Variants in NEXMIF observed in about 807,000 individuals in gnomAD.
NEXMIF encodes the protein neurite extension and migration factor.
In NEXMIF, 8 loss-of-function variants were observed where a neutral mutation model predicts 62.1. The observed-to-expected ratio is 0.13, with a 90% CI of 0.08 to 0.23. NEXMIF has a LOEUF of 0.23. NEXMIF is among the 10% of genes least tolerant of loss of function. NEXMIF has a pLI of 1.00. For synonymous variants in NEXMIF, 404 were observed against 416.6 expected, an observed-to-expected ratio of 0.97 and a Z score of 0.37; for missense variants, 976 against 1,113.3, an observed-to-expected ratio of 0.88 and a Z score of 1.75.
intron 1 of NEXMIF, among the ~76,000 whole-genome samples, chrX:74,826,635 C>T (rs1374615816): frequency 9.0e-6 from 1 of 110,710 alleles, no homozygotes; most frequent in African/African-American, 3.3e-5. Context: ...CCCCTTTGTC[C>T]TTTTTTCTTT....
At chrX:74,796,956 A>G (rs1602231767) in intron 1 of NEXMIF, among the ~76,000 whole-genome samples, 1 of 112,057 alleles carries the variant, frequency 8.9e-6, no homozygotes, top group Non-Finnish European at 1.9e-5. Context: ...CACAACCTTA[A>G]CCAAATGACC....
intron 1 of NEXMIF, among the ~76,000 whole-genome samples, chrX:74,820,953 C>T (rs1225034353): frequency 9.0e-6 from 1 of 111,082 alleles, no homozygotes; most frequent in Non-Finnish European, 1.9e-5. Flanking sequence ...TAATTGGCAA[C>T]TGAAACCCCA....
At chrX:74,748,028 G>A (rs2080131086) in intron 1 of NEXMIF, among the ~76,000 whole-genome samples, 1 of 111,955 alleles carries the variant, frequency 8.9e-6, no homozygotes, top group Non-Finnish European at 1.9e-5. Flanking sequence ...GCCTCTAATG[G>A]AAAAATCTGG....
rs1602212460 is a variant in NEXMIF at position 74,743,416 on chromosome X, C to T, written c.1141G>A (p.Asp381Asn). Reference sequence around the variant, plus strand: ...CCTTCCTCTTTGCCTTTCTTCTTGTCCAAGTTTTTATCTTCCTCCCCCCAG... The same window carrying T: ...CCTTCCTCTTTGCCTTTCTTCTTGTTCAAGTTTTTATCTTCCTCCCCCCAG... Reference protein sequence around the residue: ...IIWGEEDKNLDKKKGKEEGQE... With the variant: ...IIWGEEDKNLNKKKGKEEGQE... The change falls in exon 3 of 4, where the codon GAC becomes AAC. Residue 381 changes from aspartate (D) to asparagine (N), a missense_variant. By Grantham distance (23) the Asp-to-Asn change is conservative. Coordinates refer to ENST00000055682, the MANE Select transcript of NEXMIF (RefSeq NM_001008537.3). 3.3e-6 allele frequency: 4 copies of T among 1,211,441 alleles called. No individual in the cohort carries two copies. Among genetic ancestry groups the T allele is most frequent in the Non-Finnish European group, 4.5e-6 (4 of 895,446 alleles).
intron 1 of NEXMIF, among the ~76,000 whole-genome samples, chrX:74,760,539 C>G (rs931017558): frequency 9.0e-6 from 1 of 111,561 alleles, no homozygotes; most frequent in Admixed American, 9.6e-5. Flanking sequence ...ATAGATGGCT[C>G]TTATTATTTT....
intron 1 of NEXMIF, among the ~76,000 whole-genome samples, chrX:74,759,173 A>G (rs765985407): frequency 2.9e-4 from 32 of 112,020 alleles, no homozygotes; most frequent in African/African-American, 1.0e-3. Context: ...GATTTTTTTC[A>G]TATGATTGTC....
At chrX:74,905,305 G>C (rs1242859784) in intron 1 of NEXMIF, among the ~76,000 whole-genome samples, 1 of 110,866 alleles carries the variant, frequency 9.0e-6, no homozygotes, top group African/African-American at 3.3e-5. Flanking sequence ...GGGGAGAGGA[G>C]AGACATACTT....
intron 1 of NEXMIF, among the ~76,000 whole-genome samples, chrX:74,797,124 T>A (rs1387490826): frequency 1.8e-5 from 2 of 111,741 alleles, no homozygotes; most frequent in African/African-American, 6.5e-5. Context: ...TACCACAAAT[T>A]GAAGGACATT....
intron 1 of NEXMIF, among the ~76,000 whole-genome samples, chrX:74,758,335 A>G (rs183396986): frequency 6.6e-4 from 74 of 111,900 alleles, no homozygotes; most frequent in Non-Finnish European, 1.1e-3. Context: ...GTTCTAATAA[A>G]CTTTGATAAG....
intron 1 of NEXMIF, among the ~76,000 whole-genome samples, chrX:74,773,167 A>G (rs1162185470): frequency 8.9e-6 from 1 of 111,827 alleles, no homozygotes; most frequent in Non-Finnish European, 1.9e-5. Flanking sequence ...GGATTCTACA[A>G]GGATCCATCC....
Position 74,743,788 on chromosome X carries a change from C to G in NEXMIF, c.769G>C (p.Asp257His). The change falls in exon 3 of 4, where the codon GAT becomes CAT. Residue 257 changes from aspartate to histidine, a missense_variant. Asp to His is a moderately conservative substitution (Grantham distance 81, BLOSUM62 -1). This residue lies in a region of NEXMIF where 45 missense variants were observed against 86.8 expected (regional missense o/e 0.52). Coordinates refer to ENST00000055682, the MANE Select transcript of NEXMIF (RefSeq NM_001008537.3). ...EEALLANSNQ[D>H]WGYFETFISE... ...ATAAAAGTCTCGAAGTAACCCCAAT[C>G]CTGATTGGAATTTGCAAGCAAAGCT... The G allele has an allele frequency of 1.7e-6, 2 of 1,211,288 alleles. No individual in the cohort carries two copies. Among genetic ancestry groups the G allele is most frequent in the Non-Finnish European group, 2.2e-6 (2 of 895,221 alleles).
intron 1 of NEXMIF, among the ~76,000 whole-genome samples, chrX:74,876,217 C>T (rs761152366): frequency 9.0e-6 from 1 of 111,252 alleles, no homozygotes; most frequent in East Asian, 2.8e-4. Flanking sequence ...TTTCAAAGAA[C>T]ATCTTTATTT....
rs547881261 is a variant in NEXMIF, at chrX:74,864,207, T to C, written c.-48+60676A>G. Reference sequence around the variant, plus strand: ...CCTCTCTCATCACTCCTACTCAATATCGTATTGGAAGTTCTGGCCAGGGCA... The same window carrying C: ...CCTCTCTCATCACTCCTACTCAATACCGTATTGGAAGTTCTGGCCAGGGCA... On this transcript the variant is annotated intron_variant, in intron 1 of 3. Transcript: ENST00000055682. Among the ~76,000 whole-genome samples the C allele has an allele frequency of 1.5e-4, 17 of 112,091 alleles. No homozygotes were observed. In the South Asian group the frequency reaches 5.6e-3, roughly 37 times the overall value.
intron 1 of NEXMIF, among the ~76,000 whole-genome samples, chrX:74,871,769 T>C (rs2080602063): frequency 8.9e-6 from 1 of 111,963 alleles, no homozygotes; most frequent in African/African-American, 3.2e-5. Context: ...TCAGCCCTTA[T>C]GGTTATCTTC....
At chrX:74,901,596 C>T (rs958828759) in intron 1 of NEXMIF, among the ~76,000 whole-genome samples, 34 of 111,634 alleles carry the variant, frequency 3.0e-4, no homozygotes, top group African/African-American at 1.0e-3. Context: ...CTGAGGCATG[C>T]GCTGTTTTAT....
At chrX:74,755,786 G>A (rs1184388617) in intron 1 of NEXMIF, among the ~76,000 whole-genome samples, 1 of 112,114 alleles carries the variant, frequency 8.9e-6, no homozygotes, top group Admixed American at 9.5e-5. Context: ...GCTGATAAAT[G>A]CTTAGACCTT....
chrX:74,765,519 T>C (rs2080192066), intron 1 of NEXMIF, among the ~76,000 whole-genome samples: 1 of 112,047 alleles, frequency 8.9e-6, no homozygotes, highest in South Asian at 3.7e-4. Flanking sequence ...CTTTATAGTG[T>C]CATTGGACAG....
At chrX:74,753,058 G>C (rs1602216463) in intron 1 of NEXMIF, among the ~76,000 whole-genome samples, 1 of 111,707 alleles carries the variant, frequency 9.0e-6, no homozygotes, top group East Asian at 2.8e-4. Context: ...TTTATATAAG[G>C]ACTATATCCT....
In NEXMIF at chrX:74,845,176, G is replaced by T. The variant is rs1010627227; in HGVS notation, c.-48+79707C>A. Among the ~76,000 whole-genome samples the T allele has an allele frequency of 2.2e-4, 24 of 111,116 alleles. 1 individual carries two copies. The highest frequency in any genetic ancestry group is 7.5e-4 in the African/African-American group (23 of 30,510). On this transcript the variant is annotated intron_variant, in intron 1 of 3. Coordinates refer to ENST00000055682, the MANE Select transcript of NEXMIF (RefSeq NM_001008537.3). ...CATGACTCAGTAATACATGCTGAGT[G>T]GCAGGAGTGACATAGAGTATTAGAA... is the stretch of plus-strand genomic sequence containing the variant.
Sources: allele counts gnomAD v4.1 joint callset (sites outside exome capture counted in the v4.1 genomes callset), GRCh38; gene constraint gnomAD v4.1.1; regional missense constraint gnomAD v4.1.1; transcripts MANE v1.5; gene names NCBI Gene and HGNC (gene_info 2026-07-23, HGNC 2026-07-21).